BCR: variants seen among roughly 807,000 people sequenced by gnomAD.
BCR encodes the protein BCR activator of RhoGEF and GTPase.
BCR carries 58 observed loss-of-function variants against 138.6 expected under a neutral mutation model. That is an observed-to-expected ratio of 0.42 (90% CI 0.34 to 0.52). The LOEUF is 0.52. Among genes scored for constraint, BCR ranks in the 20% least tolerant of loss-of-function variants. The probability of loss-of-function intolerance (pLI) is 0.06; values close to 1 mark genes in which losing one functional copy is unlikely to be tolerated. For synonymous variants in BCR, 786 were observed against 730.1 expected (o/e 1.08, Z -1.23); for missense variants, 1,599 against 1,727.2 (o/e 0.93, Z 1.32).
intron 1 of BCR, among the ~76,000 whole-genome samples, chr22:23,200,927 A>C (rs1019132845): frequency 6.6e-6 from 1 of 152,154 alleles, no homozygotes; most frequent in Admixed American, 6.5e-5. Context: ...TTTTCACTTC[A>C]CCAGGACTTC....
intron 16 of BCR, among the ~76,000 whole-genome samples, chr22:23,303,840 C>T (rs191203631): frequency 9.7e-4 from 147 of 151,970 alleles, no homozygotes; most frequent in Non-Finnish European, 1.8e-3. Context: ...TTTTTATAAC[C>T]GAATGATTTT....
At chr22:23,199,007 A>G (rs368699878) in intron 1 of BCR, among the ~76,000 whole-genome samples, 3 of 152,136 alleles carry the variant, frequency 2.0e-5, no homozygotes, top group African/African-American at 7.2e-5. Flanking sequence ...CTGTGATCCC[A>G]GCTACTCAGG....
chr22:23,280,060 G>A (rs1419577638), intron 8 of BCR, among the ~76,000 whole-genome samples: 5 of 152,024 alleles, frequency 3.3e-5, no homozygotes, highest in African/African-American at 4.8e-5. Context: ...GGATTCCACC[G>A]CATGACCTCA....
At chr22:23,285,290 G>A (rs1359018084) in intron 10 of BCR, 89 bp downstream of exon 10, 9 of 1,413,818 alleles carry the variant, frequency 6.4e-6, no homozygotes, top group Non-Finnish European at 8.6e-6. Flanking sequence ...TCTCCGTCAG[G>A]CCTCTGGGCC....
intron 14 of BCR, 182 bp downstream of exon 14, chr22:23,290,595 T>TTC (rs1162722094): frequency 3.1e-6 from 2 of 642,338 alleles, no homozygotes; most frequent in Non-Finnish European, 5.5e-6. Context: ...GAATTGTTTT[T>TTC]CCCGGAGTGG....
In BCR at chr22:23,292,551, C is replaced by T. The variant is rs370458655; in HGVS notation, c.2793C>T (p.Cys931=). ...CACTTCTCCCCACAGATCTGTACTG[C>T]ACCCTGGAGGTGGATTCCTTTGGGT... is the stretch of plus-strand genomic sequence containing the variant. ...TGFKQSSNLY[C]TLEVDSFGYF... Residue 931 remains cysteine, a synonymous_variant, in exon 15 of 23, where the codon TGC becomes TGT. Transcript: ENST00000305877. The T allele has an allele frequency of 3.2e-5, 51 of 1,612,962 alleles. 1 individual carries two copies. Among genetic ancestry groups the T allele is most frequent in the South Asian group, 1.5e-4 (14 of 91,034 alleles).
At chr22:23,240,302 CGTGTGTGTGTGTGTGTGTGTGT>C (rs200491524) in intron 1 of BCR, among the ~76,000 whole-genome samples, 17 of 144,020 alleles carry the variant, frequency 1.2e-4, no homozygotes, top group Non-Finnish European at 2.3e-4. Context: ...CCTGGCTGAT[CGTGTGTGTGTGTGTGTGTGTGT>C]GTGTGTGTGT....
intron 2 of BCR, among the ~76,000 whole-genome samples, chr22:23,258,674 G>A (rs772331007): frequency 1.6e-4 from 24 of 152,224 alleles, no homozygotes; most frequent in Non-Finnish European, 2.5e-4. Context: ...CCTCGGGGGA[G>A]AGGGTGTTAC....
intron 6 of BCR, 146 bp downstream of exon 6, chr22:23,271,738 G>A (rs994910781): frequency 1.9e-5 from 15 of 771,972 alleles, no homozygotes; most frequent in African/African-American, 6.9e-5. Context: ...GAGTGGGCAC[G>A]AGGAAAGAAC....
intron 16 of BCR, among the ~76,000 whole-genome samples, chr22:23,308,328 C>T (rs1309134073): frequency 6.6e-6 from 1 of 152,050 alleles, no homozygotes; most frequent in African/African-American, 2.4e-5. Flanking sequence ...ATTTTTGAGA[C>T]GAAGTCTTGC....
chr22:23,206,576 CAAAAAAAAA>C (rs559810867), intron 1 of BCR, among the ~76,000 whole-genome samples: 1 of 89,722 alleles, frequency 1.1e-5, no homozygotes, highest in African/African-American at 3.8e-5. Context: ...GACTCCGTCT[CAAAAAAAAA>C]AAAAAAAGTT....
intron 4 of BCR, among the ~76,000 whole-genome samples, chr22:23,265,480 T>C (rs937248095): frequency 6.6e-6 from 1 of 152,208 alleles, no homozygotes; most frequent in African/African-American, 2.4e-5. Context: ...CCGGTGCCTC[T>C]TCCAAGCCCA....
chr22:23,274,552 G>A (rs2073549808), intron 8 of BCR, among the ~76,000 whole-genome samples: 1 of 152,196 alleles, frequency 6.6e-6, no homozygotes, highest in African/African-American at 2.4e-5. Flanking sequence ...TCTCATGCAG[G>A]GACAGAAGCT....
chr22:23,207,110 A>G (rs977789408), intron 1 of BCR, among the ~76,000 whole-genome samples: 3 of 151,972 alleles, frequency 2.0e-5, no homozygotes, highest in African/African-American at 4.8e-5. Context: ...TCATCCTCCA[A>G]CCATTCATCT....
intron 2 of BCR, 122 bp from the exon 3 acceptor site, chr22:23,260,828 G>A (rs749888340): frequency 2.2e-6 from 2 of 894,514 alleles, no homozygotes; most frequent in Admixed American, 3.6e-5. Context: ...TCCATGTGGA[G>A]CCTTTGTGGG....
intron 20 of BCR, 29 bp from the exon 21 acceptor site, chr22:23,313,939 C>A (rs1359011094): frequency 6.3e-7 from 1 of 1,593,126 alleles, no homozygotes; most frequent in African/African-American, 1.3e-5. Context: ...TCGTTGTGAC[C>A]CCAAGGAGTA....
At chr22:23,206,970 C>T (rs2072623766) in intron 1 of BCR, among the ~76,000 whole-genome samples, 1 of 146,478 alleles carries the variant, frequency 6.8e-6, no homozygotes, top group South Asian at 2.2e-4. Flanking sequence ...TCCCTCCCTC[C>T]CTCCATCCAT....
intron 1 of BCR, chr22:23,199,174 C>A: frequency 4.8e-6 from 2 of 419,730 alleles, no homozygotes; most frequent in Non-Finnish European, 9.5e-6. Flanking sequence ...TGATTATTAA[C>A]ATAAGTCTGG....
intron 1 of BCR, among the ~76,000 whole-genome samples, chr22:23,196,052 C>T (rs1292316165): frequency 6.6e-6 from 1 of 152,198 alleles, no homozygotes; most frequent in Non-Finnish European, 1.5e-5. Flanking sequence ...GATCCCTTCT[C>T]TCTCCTTCAT....
Sources: allele counts gnomAD v4.1 joint callset (sites outside exome capture counted in the v4.1 genomes callset), GRCh38; gene constraint gnomAD v4.1.1; transcripts MANE v1.5; gene names NCBI Gene and HGNC (gene_info 2026-07-23, HGNC 2026-07-21).